ZC3H7A: variants seen among roughly 807,000 people sequenced by gnomAD.
The protein encoded by ZC3H7A is zinc finger CCCH domain-containing protein 7A.
ZC3H7A carries 44 observed loss-of-function variants against 125.5 expected under a neutral mutation model. The observed-to-expected ratio is 0.35, with a 90% CI of 0.28 to 0.45. The LOEUF (loss-of-function observed/expected upper bound fraction) is 0.45, where lower values mean the gene tolerates loss of function less well. Among genes scored for constraint, ZC3H7A ranks in the 20% least tolerant of loss-of-function variants. ZC3H7A has a pLI of 1.00. For synonymous variants in ZC3H7A, 399 were observed against 391.2 expected (o/e 1.02, Z -0.23); for missense variants, 977 against 1,170.7 (o/e 0.83, Z 2.41).
In ZC3H7A at chr16:11,763,797, ATTTT is replaced by A. The variant is rs1231263433; in HGVS notation, c.1821-142_1821-139del. 605 of 232,794 alleles carry A rather than the reference ATTTT, an allele frequency of 2.6e-3. 16 individuals are homozygous for A. Among genetic ancestry groups the A allele is most frequent in the Admixed American group, 6.2e-3 (83 of 13,370 alleles). The allele number at this position is 232,794 out of a possible 1,614,324, so 14.4% of individuals were successfully genotyped here. A position where few individuals can be genotyped will look rare whatever the true frequency, so the allele number is the denominator to read the frequency against. On this transcript the variant is annotated intron_variant, in intron 15 of 22. Coordinates refer to ENST00000355758, the MANE Select transcript of ZC3H7A (RefSeq NM_014153.4). ...GTTCTACACTGACAATACATTTAAAATTTTTTTTTCTCTTTTTTTTTTTTGAGAT... is the reference window on the plus strand; with the variant it reads ...GTTCTACACTGACAATACATTTAAAATTTTTCTCTTTTTTTTTTTTGAGAT...
At position 11,761,903 on chromosome 16, in the gene ZC3H7A, T is replaced by C; in HGVS notation, c.2213+7A>G. 1 of 1,611,476 alleles carries C rather than the reference T, an allele frequency of 6.2e-7. No individual in the cohort carries two copies. The highest frequency in any genetic ancestry group is 8.5e-7 in the Non-Finnish European group (1 of 1,179,418). On this transcript the variant is annotated splice_region_variant and intron_variant, in intron 18 of 22. Transcript: ENST00000355758. ...AAATAGGAATTGTTTCCACACACAA[T>C]ACTTACGAATGCCTTGCTTTTGCAC...
At chr16:11,761,776 G>A in intron 18 of ZC3H7A, 134 bp downstream of exon 18, 1 of 1,256,582 alleles carries the variant, frequency 8.0e-7, no homozygotes, top group Non-Finnish European at 1.1e-6. Flanking sequence ...CTTCCCTTGT[G>A]TCTGTAATTA....
intron 9 of ZC3H7A, among the ~76,000 whole-genome samples, chr16:11,773,184 A>T (rs77867524): frequency 0.02 from 3,103 of 151,966 alleles, 42 homozygotes; most frequent in Non-Finnish European, 0.032. Flanking sequence ...ATATAATTTT[A>T]TTGATTGACT....
Position 11,769,030 on chromosome 16 carries a change from C to A in ZC3H7A, c.1173+1G>T. On this transcript the variant is annotated splice_donor_variant, in intron 11 of 22. Transcript: ENST00000355758. LOFTEE classifies it high-confidence loss of function. ...TTTACAAAAGAGGAAGTGGCACTTA[C>A]AAGTAAAAGGGAAGAATTACTGTTG... 6.2e-7 allele frequency: 1 copy of A among 1,605,326 alleles called. No individual in the cohort carries two copies. The highest frequency in any genetic ancestry group is 8.5e-7 in the Non-Finnish European group (1 of 1,176,856).
rs748745570 is a variant in ZC3H7A, at chr16:11,761,953, G to A, written c.2170C>T (p.Pro724Ser). 1.2e-6 allele frequency: 2 copies of A among 1,613,262 alleles called. No homozygotes were observed. Among genetic ancestry groups the A allele is most frequent in the East Asian group, 2.2e-5 (1 of 44,850 alleles). Residue 724 changes from proline to serine, a missense_variant, in exon 18 of 23, where the codon CCA (proline) becomes TCA (serine). Pro to Ser is a moderately conservative substitution (Grantham distance 74). Transcript: ENST00000355758. ...QCLRNGQVIEPDKNRKYCSAK... is the reference protein window; with the variant it reads ...QCLRNGQVIESDKNRKYCSAK... ...CTACAATATTTTCTGTTTTTGTCTG[G>A]TTCAATGACTTGACCGTTTCTCAGA...
intron 1 of ZC3H7A, among the ~76,000 whole-genome samples, chr16:11,795,050 T>A (rs1219189327): frequency 6.6e-6 from 1 of 152,162 alleles, no homozygotes. Flanking sequence ...ATATTGATAA[T>A]ATTGAGCCTC....
At chr16:11,785,602 G>T (rs2053245461) in intron 1 of ZC3H7A, among the ~76,000 whole-genome samples, 1 of 151,896 alleles carries the variant, frequency 6.6e-6, no homozygotes, top group African/African-American at 2.4e-5. Flanking sequence ...AGGCATTTAA[G>T]TATCCATATG....
intron 10 of ZC3H7A, among the ~76,000 whole-genome samples, chr16:11,770,289 G>C (rs2141187981): frequency 6.6e-6 from 1 of 152,272 alleles, no homozygotes; most frequent in South Asian, 2.1e-4. Flanking sequence ...AGAAACAGGA[G>C]TCAGACTCCA....
intron 11 of ZC3H7A, 88 bp downstream of exon 11, chr16:11,768,943 A>G (rs1038867177): frequency 6.9e-6 from 9 of 1,312,038 alleles, no homozygotes; most frequent in Non-Finnish European, 9.5e-6. Context: ...TTTAAGGGAG[A>G]CTGTCATGTT....
At chr16:11,797,100 C>T (rs2053453935) in intron 1 of ZC3H7A, 24 bp downstream of exon 1, 1 of 142,542 alleles carries the variant, frequency 7.0e-6, no homozygotes, top group African/African-American at 2.8e-5. Flanking sequence ...TCCTTCATGC[C>T]CGGCGGCGTC....
intron 10 of ZC3H7A, among the ~76,000 whole-genome samples, 153 bp from the exon 11 acceptor site, chr16:11,769,248 G>T (rs928899683): frequency 6.6e-6 from 1 of 152,112 alleles, no homozygotes; most frequent in Non-Finnish European, 1.5e-5. Flanking sequence ...CCCAAAGAGG[G>T]CTCTAGAGTC....
In ZC3H7A at chr16:11,751,300, A is replaced by G. The variant is rs757300869; in HGVS notation, c.*17T>C. On this transcript the variant is annotated 3_prime_UTR_variant, in exon 23 of 23. Coordinates refer to ENST00000355758, the MANE Select transcript of ZC3H7A (RefSeq NM_014153.4). The stretch of plus-strand genomic sequence containing the variant: ...GGTCAATGCTCTGATTAGGTATCAT[A>G]CATAAAAGCCAGCATATTAGTTTAA... The G allele has an allele frequency of 1.2e-6, 2 of 1,602,188 alleles. No individual in the cohort carries two copies. Among genetic ancestry groups the G allele is most frequent in the Non-Finnish European group, 1.7e-6 (2 of 1,173,764 alleles).
intron 21 of ZC3H7A, among the ~76,000 whole-genome samples, chr16:11,755,654 CATAA>C (rs1291109593): frequency 6.6e-6 from 1 of 152,178 alleles, no homozygotes; most frequent in East Asian, 1.9e-4. Context: ...CACTCGGAGA[CATAA>C]ATAATCTACC....
At chr16:11,797,036 CGAGCACGAG>C (rs2053450993) in intron 1 of ZC3H7A, 79 bp downstream of exon 1, 1 of 145,620 alleles carries the variant, frequency 6.9e-6, no homozygotes, top group South Asian at 1.9e-4. Context: ...CGGCCGCGCG[CGAGCACGAG>C]GCGGCGGCGC....
rs906716473 is a variant in ZC3H7A at position 11,772,990 on chromosome 16, A to G, written c.903+1246T>C. Among the ~76,000 whole-genome samples, 66 of 151,782 alleles carry G rather than the reference A, an allele frequency of 4.3e-4. 1 individual carries two copies. Among genetic ancestry groups the G allele is most frequent in the African/African-American group, 1.2e-3 (48 of 41,202 alleles). On this transcript the variant is annotated intron_variant, in intron 9 of 22. Transcript: ENST00000355758. ...ACAGGTGTGCGCCACTGCACCCAGC[A>G]GAAAAGGCTTTCTATACAGGGATGG...
intron 21 of ZC3H7A, 112 bp downstream of exon 21, chr16:11,756,125 T>C: frequency 1.4e-6 from 2 of 1,450,102 alleles, no homozygotes; most frequent in East Asian, 2.3e-5. Flanking sequence ...ATCACACCAC[T>C]GCACTCCAGC....
intron 15 of ZC3H7A, among the ~76,000 whole-genome samples, chr16:11,764,777 G>A (rs2052826263): frequency 6.6e-6 from 1 of 152,076 alleles, no homozygotes; most frequent in Non-Finnish European, 1.5e-5. Context: ...ATTAATTGGG[G>A]GGGGTACTTA....
At position 11,781,484 on chromosome 16, in the gene ZC3H7A, T is replaced by G. The variant is rs115075866; in HGVS notation, c.69-20A>C. 1 of 1,601,392 alleles carries G rather than the reference T, an allele frequency of 6.2e-7. No homozygotes were observed. Among genetic ancestry groups the G allele is most frequent in the Non-Finnish European group, 8.5e-7 (1 of 1,171,374 alleles). ...GGTGACCTAAGAAGAAGAAACAAAT[T>G]AACTGTAATTATCAAGCTCCTTATC... On this transcript the variant is annotated intron_variant, in intron 2 of 22. Transcript: ENST00000355758.
Position 11,774,356 on chromosome 16 carries a change from T to G in ZC3H7A, c.783A>C (p.Ala261=). The G allele has an allele frequency of 1.2e-6, 2 of 1,614,090 alleles. No homozygotes were observed. The highest frequency in any genetic ancestry group is 1.7e-6 in the Non-Finnish European group (2 of 1,179,978). The change falls in exon 9 of 23, where the codon GCA becomes GCC. Residue 261 remains alanine (A), a synonymous_variant. Transcript: ENST00000355758. Reference sequence around the variant, plus strand: ...TAGTGAAGGGCATCTTTCCTCCATTTGCCAGCACTGCAGATGGCAGAGCGC... The same window carrying G: ...TAGTGAAGGGCATCTTTCCTCCATTGGCCAGCACTGCAGATGGCAGAGCGC... ...EESALPSAVL[A]NGGKMPFTMP... is the part of the protein sequence containing the mutation.
Sources: allele counts gnomAD v4.1 joint callset (sites outside exome capture counted in the v4.1 genomes callset), GRCh38; gene constraint gnomAD v4.1.1; transcripts MANE v1.5; gene names NCBI Gene and HGNC (gene_info 2026-07-23, HGNC 2026-07-21).